Variants in MARCHF8 observed in about 807,000 individuals in gnomAD.
The protein encoded by MARCHF8 is membrane associated ring-CH-type finger 8.
Under a neutral mutation model 51.6 loss-of-function variants are expected in MARCHF8, and 40 were observed. That is an observed-to-expected ratio of 0.77 (90% CI 0.60 to 1.01). The LOEUF is 1.01. Among genes scored for constraint, MARCHF8 ranks in the 50% least tolerant of loss-of-function variants. The probability of loss-of-function intolerance (pLI) is 0.00; values close to 1 mark genes in which losing one functional copy is unlikely to be tolerated. For synonymous variants in MARCHF8, 263 were observed against 280.3 expected, an observed-to-expected ratio of 0.94 and a Z score of 0.62; for missense variants, 685 against 708.6, an observed-to-expected ratio of 0.97 and a Z score of 0.38.
intron 2 of MARCHF8, among the ~76,000 whole-genome samples, chr10:45,517,075 C>CA: frequency 6.6e-6 from 1 of 152,330 alleles, no homozygotes; most frequent in Non-Finnish European, 1.5e-5. Flanking sequence ...ACAATGGTGG[C>CA]AACAGTGGTG....
Position 45,489,432 on chromosome 10 carries a change from A to G in MARCHF8, c.103-15T>C. ...GTCTTCTCATTCTGCAAGAAAATCAAACAGGTTTTAATTATCAATCTTTGA... is the reference window on the plus strand; with the variant it reads ...GTCTTCTCATTCTGCAAGAAAATCAGACAGGTTTTAATTATCAATCTTTGA... On this transcript the variant is annotated splice_polypyrimidine_tract_variant and intron_variant, in intron 2 of 7. Coordinates refer to ENST00000453424, the MANE Select transcript of MARCHF8 (RefSeq NM_001282866.2). 6.2e-7 allele frequency: 1 copy of G among 1,605,874 alleles called. No individual in the cohort carries two copies. Among genetic ancestry groups the G allele is most frequent in the Non-Finnish European group, 8.5e-7 (1 of 1,173,986 alleles).
chr10:45,491,502 G>C (rs2133094027), intron 2 of MARCHF8, among the ~76,000 whole-genome samples: 1 of 152,232 alleles, frequency 6.6e-6, no homozygotes, highest in South Asian at 2.1e-4. Flanking sequence ...TCACACCACT[G>C]CACTGCATTC....
At chr10:45,481,226 C>T (rs2042880174) in intron 3 of MARCHF8, among the ~76,000 whole-genome samples, 1 of 152,174 alleles carries the variant, frequency 6.6e-6, no homozygotes, top group African/African-American at 2.4e-5. Context: ...TATCTAGAAA[C>T]TAACTAACTT....
At chr10:45,509,127 A>G (rs539293435) in intron 2 of MARCHF8, among the ~76,000 whole-genome samples, 1 of 152,314 alleles carries the variant, frequency 6.6e-6, no homozygotes, top group African/African-American at 2.4e-5. Context: ...ACATTGCTTA[A>G]ACAACTTTCA....
At chr10:45,545,949 C>T (rs548062284) in intron 1 of MARCHF8, among the ~76,000 whole-genome samples, 1 of 152,152 alleles carries the variant, frequency 6.6e-6, no homozygotes, top group Admixed American at 6.5e-5. Context: ...TTTACTGAAA[C>T]GAAGACCAAA....
chr10:45,503,703 A>G (rs895732190), intron 2 of MARCHF8, among the ~76,000 whole-genome samples: 1 of 152,178 alleles, frequency 6.6e-6, no homozygotes, highest in Non-Finnish European at 1.5e-5. Context: ...AAAATTTCCA[A>G]AAGGTAGAAA....
chr10:45,494,662 T>G (rs1267613337), intron 2 of MARCHF8, among the ~76,000 whole-genome samples: 1 of 152,246 alleles, frequency 6.6e-6, no homozygotes, highest in Non-Finnish European at 1.5e-5. Flanking sequence ...AACATTTTGC[T>G]TTCCTGATAT....
Position 45,490,482 on chromosome 10 carries a change from C to A in MARCHF8, c.103-1065G>T, listed in dbSNP as rs531609979. On this transcript the variant is annotated intron_variant, in intron 2 of 7. Transcript: ENST00000453424. ...ATCTACAAGCCAAGGAGAAACCAGC[C>A]CTGCTGCCACCTTCATCTTGGACTT... Among the ~76,000 whole-genome samples, 6 of 152,146 alleles carry A rather than the reference C, an allele frequency of 3.9e-5. No homozygotes were observed. The South Asian group carries it at 1.2e-3, about 32-fold the overall frequency.
chr10:45,464,112 TA>T, intron 4 of MARCHF8, 116 bp from the exon 5 acceptor site: 1 of 1,527,298 alleles, frequency 6.5e-7, no homozygotes, highest in Non-Finnish European at 8.9e-7. Flanking sequence ...AAACCACACA[TA>T]AAACTCGCCA....
intron 2 of MARCHF8, among the ~76,000 whole-genome samples, chr10:45,529,832 C>T (rs1367013926): frequency 6.6e-6 from 1 of 152,238 alleles, no homozygotes. Flanking sequence ...TGCTCACAGA[C>T]TGTTGTTGGG....
At chr10:45,538,019 C>G (rs2043997804), upstream of MARCHF8, among the ~76,000 whole-genome samples, 1 of 152,084 alleles carries the variant, frequency 6.6e-6, no homozygotes, top group South Asian at 2.1e-4. Context: ...GCTACTGTTG[C>G]CCTATCTCAC....
chr10:45,515,633 T>C (rs1252853003), intron 2 of MARCHF8, among the ~76,000 whole-genome samples: 1 of 152,204 alleles, frequency 6.6e-6, no homozygotes, highest in African/African-American at 2.4e-5. Flanking sequence ...GTACAGACTC[T>C]GCATCATTCC....
intron 1 of MARCHF8, among the ~76,000 whole-genome samples, chr10:45,540,754 C>T (rs1256536972): frequency 9.9e-5 from 15 of 152,150 alleles, no homozygotes; most frequent in East Asian, 1.9e-4. Context: ...AAAAAGTGGG[C>T]GAAGGACATG....
At chr10:45,589,787 G>A (rs1418801247) in intron 1 of MARCHF8, among the ~76,000 whole-genome samples, 1 of 152,192 alleles carries the variant, frequency 6.6e-6, no homozygotes, top group Non-Finnish European at 1.5e-5. Context: ...TGCATGGATA[G>A]ACCACATTAT....
chr10:45,532,885 A>C (rs1170780754), intron 2 of MARCHF8, among the ~76,000 whole-genome samples: 2 of 152,224 alleles, frequency 1.3e-5, no homozygotes, highest in East Asian at 3.8e-4. Context: ...AGATTTAACC[A>C]ATGAAGATAA....
At chr10:45,521,016 T>G (rs956583351) in intron 2 of MARCHF8, among the ~76,000 whole-genome samples, 1 of 152,228 alleles carries the variant, frequency 6.6e-6, no homozygotes, top group Non-Finnish European at 1.5e-5. Context: ...ACTAAACCTG[T>G]GAACAGCTAA....
chr10:45,488,418 G>A (rs1189911897), intron 3 of MARCHF8, among the ~76,000 whole-genome samples: 3 of 152,218 alleles, frequency 2.0e-5, no homozygotes, highest in Non-Finnish European at 4.4e-5. Context: ...GAGACCATGT[G>A]TCAAGTAGGA....
At chr10:45,459,697 G>A (rs1842725707) in intron 6 of MARCHF8, 1 of 984,066 alleles carries the variant, frequency 1.0e-6, no homozygotes, top group Middle Eastern at 5.2e-4. Flanking sequence ...ACTAGCAGAT[G>A]GGTCACACTA....
At chr10:45,489,896 T>G (rs1175856415) in intron 2 of MARCHF8, among the ~76,000 whole-genome samples, 1 of 152,162 alleles carries the variant, frequency 6.6e-6, no homozygotes, top group Non-Finnish European at 1.5e-5. Flanking sequence ...AACAAAGTGC[T>G]GAATACTCAA....
Sources: gnomAD v4.1 joint callset for allele counts (sites outside exome capture counted in the v4.1 genomes callset) on GRCh38, gnomAD v4.1.1 for gene constraint, MANE v1.5 for transcripts, NCBI Gene and HGNC (gene_info 2026-07-23, HGNC 2026-07-21) for gene names.